The following DCDC1 variants were observed in gnomAD, a reference collection of about 807,000 sequenced individuals.
DCDC1 encodes doublecortin domain containing 1.
DCDC1 carries 200 observed loss-of-function variants against 178.3 expected under a neutral mutation model. The observed-to-expected ratio is 1.12, with a 90% CI of 1.00 to 1.26. DCDC1 has a LOEUF of 1.26. Among genes scored for constraint, DCDC1 ranks in the 50% most tolerant of loss-of-function variants. The pLI, the probability that DCDC1 is intolerant of heterozygous loss-of-function variation, is 0.00. For synonymous variants in DCDC1, 690 were observed against 604.8 expected (o/e 1.14, Z -2.07); for missense variants, 1,983 against 1,749.2 (o/e 1.13, Z -2.38).
chr11:31,049,752 G>T (rs1955113544), intron 20 of DCDC1, among the ~76,000 whole-genome samples: 1 of 152,176 alleles, frequency 6.6e-6, no homozygotes, highest in African/African-American at 2.4e-5. Context: ...AGAAGCTGAA[G>T]GTCTGTTTGC....
chr11:31,007,531 G>T (rs1161141053), intron 20 of DCDC1, among the ~76,000 whole-genome samples: 1 of 152,178 alleles, frequency 6.6e-6, no homozygotes, highest in Non-Finnish European at 1.5e-5. Context: ...GGAGTGTCTG[G>T]CAGATAAGAG....
intron 23 of DCDC1, among the ~76,000 whole-genome samples, chr11:30,924,389 T>C (rs958127842): frequency 2.6e-5 from 4 of 152,318 alleles, no homozygotes; most frequent in African/African-American, 4.8e-5. Flanking sequence ...AGGGCCTCAG[T>C]TGAGTTCTGA....
At chr11:31,201,275 A>G (rs2136433492) in intron 9 of DCDC1, among the ~76,000 whole-genome samples, 1 of 151,958 alleles carries the variant, frequency 6.6e-6, no homozygotes, top group African/African-American at 2.4e-5. Context: ...TATGTAATAT[A>G]TTTAATATCA....
intron 20 of DCDC1, among the ~76,000 whole-genome samples, chr11:31,044,744 T>C (rs1375348539): frequency 1.3e-5 from 2 of 152,190 alleles, no homozygotes; most frequent in African/African-American, 4.8e-5. Context: ...AATTTCAGCC[T>C]TAAGAAGCCC....
chr11:31,110,503 C>A, intron 11 of DCDC1, 142 bp from the exon 12 acceptor site: 1 of 542,576 alleles, frequency 1.8e-6, no homozygotes, highest in Non-Finnish European at 3.3e-6. Flanking sequence ...GGGAATTGTG[C>A]AAAGCAAGGA....
chr11:30,930,830 T>A (rs1361284887), intron 22 of DCDC1, among the ~76,000 whole-genome samples: 1 of 152,160 alleles, frequency 6.6e-6, no homozygotes, highest in East Asian at 1.9e-4. Flanking sequence ...ACATTTTACA[T>A]CTAGCAGAAT....
At chr11:31,228,148 T>C (rs1253866335) in intron 9 of DCDC1, among the ~76,000 whole-genome samples, 2 of 151,860 alleles carry the variant, frequency 1.3e-5, no homozygotes, top group Admixed American at 6.6e-5. Context: ...AGAACAAACA[T>C]GGAACATTAA....
chr11:31,333,491 T>G (rs1231526803), intron 2 of DCDC1, among the ~76,000 whole-genome samples: 3 of 152,214 alleles, frequency 2.0e-5, no homozygotes, highest in African/African-American at 7.2e-5. Context: ...CTTTACAATT[T>G]GGCATGTTTT....
At position 31,143,345 on chromosome 11, in the gene DCDC1, T is replaced by C. The variant is rs1327459513; in HGVS notation, c.1222-5561A>G. Among the ~76,000 whole-genome samples, 5 of 152,054 alleles carry C rather than the reference T, an allele frequency of 3.3e-5. No individual in the cohort carries two copies. The East Asian group carries it at 9.7e-4, about 29-fold the overall frequency. On this transcript the variant is annotated intron_variant, in intron 9 of 38. Transcript: ENST00000684477. ...ATTACATGATGAAACTAGTTCTAAG[T>C]AAAATGAGTGAAGTGGCTGGACATA...
At chr11:31,239,862 C>T (rs979238047) in intron 9 of DCDC1, among the ~76,000 whole-genome samples, 3 of 151,202 alleles carry the variant, frequency 2.0e-5, no homozygotes, top group African/African-American at 7.3e-5. Context: ...GTATTTTTTT[C>T]TTACAATGCA....
Position 30,877,513 on chromosome 11 carries a change from C to A in DCDC1, c.*40+1031G>T, listed in dbSNP as rs528505657. The stretch of plus-strand genomic sequence containing the variant: ...GATTGCTAGGGATCTCCCTTGATTT[C>A]TTTTCAAAAAATAAACCTTCCATAA... On this transcript the variant is annotated intron_variant, in intron 38 of 38. Transcript: ENST00000684477. 2.0e-4 allele frequency among the ~76,000 whole-genome samples: 31 copies of A among 152,154 alleles called. No individual in the cohort carries two copies. The South Asian group carries it at 6.4e-3, about 32-fold the overall frequency.
chr11:31,031,150 G>C (rs1194740325), intron 20 of DCDC1, among the ~76,000 whole-genome samples: 1 of 152,070 alleles, frequency 6.6e-6, no homozygotes, highest in Non-Finnish European at 1.5e-5. Context: ...TTTGAATCAC[G>C]AACATGTAAG....
At chr11:31,364,277 C>T (rs1951849340) in intron 1 of DCDC1, among the ~76,000 whole-genome samples, 1 of 152,050 alleles carries the variant, frequency 6.6e-6, no homozygotes, top group Admixed American at 6.6e-5. Flanking sequence ...CATATCCCCA[C>T]ATGACTGGAA....
chr11:31,026,223 A>T (rs1215746147), intron 20 of DCDC1, among the ~76,000 whole-genome samples: 1 of 151,810 alleles, frequency 6.6e-6, no homozygotes, highest in East Asian at 1.9e-4. Context: ...CAGAAAGGCC[A>T]TAAATATAGG....
At chr11:31,020,358 A>G (rs1952788397) in intron 20 of DCDC1, among the ~76,000 whole-genome samples, 1 of 152,132 alleles carries the variant, frequency 6.6e-6, no homozygotes, top group East Asian at 1.9e-4. Flanking sequence ...TCATAAATAC[A>G]GCCTCCTCAT....
intron 7 of DCDC1, among the ~76,000 whole-genome samples, chr11:31,284,853 G>A (rs1167355885): frequency 3.3e-5 from 5 of 151,782 alleles, no homozygotes; most frequent in Non-Finnish European, 7.4e-5. Flanking sequence ...TGGCCAGGCT[G>A]GTCTCGAACT....
At chr11:31,222,161 C>G (rs1297066053) in intron 9 of DCDC1, among the ~76,000 whole-genome samples, 1 of 152,100 alleles carries the variant, frequency 6.6e-6, no homozygotes. Context: ...CTCCCAGGTT[C>G]AAGTGATTCT....
At chr11:31,135,555 T>C (rs1339350229) in intron 10 of DCDC1, among the ~76,000 whole-genome samples, 3 of 152,180 alleles carry the variant, frequency 2.0e-5, no homozygotes, top group African/African-American at 7.2e-5. Context: ...CAGATTAATA[T>C]AATCACTTTC....
chr11:31,087,678 A>G (rs1022877249), intron 17 of DCDC1, among the ~76,000 whole-genome samples: 1 of 152,122 alleles, frequency 6.6e-6, no homozygotes, highest in East Asian at 1.9e-4. Context: ...CTCCATTATC[A>G]TCAGAGAACA....
Sources: allele counts gnomAD v4.1 joint callset (sites outside exome capture counted in the v4.1 genomes callset), GRCh38; gene constraint gnomAD v4.1.1; transcripts MANE v1.5; gene names NCBI Gene and HGNC (gene_info 2026-07-23, HGNC 2026-07-21).